Variants in IL1RAPL2 observed in about 807,000 individuals in gnomAD.
The protein encoded by IL1RAPL2 is X-linked interleukin-1 receptor accessory protein-like 2.
IL1RAPL2 carries 3 observed loss-of-function variants against 44.1 expected under a neutral mutation model. That is an observed-to-expected ratio of 0.07 (90% CI 0.03 to 0.18). The LOEUF is 0.18. Among genes scored for constraint, IL1RAPL2 ranks in the 10% least tolerant of loss-of-function variants. The probability of loss-of-function intolerance (pLI) is 1.00; values close to 1 mark genes in which losing one functional copy is unlikely to be tolerated. For missense variants in IL1RAPL2, 391 were observed against 496.4 expected (o/e 0.79, Z 2.02); for synonymous variants, 181 against 178.8 (o/e 1.01, Z -0.10).
chrX:105,347,660 C>T (rs1341038998), intron 5 of IL1RAPL2, among the ~76,000 whole-genome samples: 1 of 110,297 alleles, frequency 9.1e-6, no homozygotes, highest in African/African-American at 3.3e-5. Flanking sequence ...GTCATAGACT[C>T]ATACCTCTAG....
At chrX:104,919,384 C>T (rs937582442) in intron 2 of IL1RAPL2, among the ~76,000 whole-genome samples, 1 of 108,701 alleles carries the variant, frequency 9.2e-6, no homozygotes, top group African/African-American at 3.4e-5. Flanking sequence ...TGCGACCACA[C>T]CTGGCTAATT....
intron 6 of IL1RAPL2, among the ~76,000 whole-genome samples, chrX:105,660,612 A>C (rs1210893313): frequency 2.7e-5 from 3 of 111,593 alleles, no homozygotes; most frequent in Non-Finnish European, 5.7e-5. Context: ...TAGAAATTTA[A>C]AAAAGTTAAG....
intron 5 of IL1RAPL2, among the ~76,000 whole-genome samples, chrX:105,276,288 G>T (rs961037881): frequency 8.9e-6 from 1 of 112,480 alleles, no homozygotes; most frequent in African/African-American, 3.2e-5. Flanking sequence ...AATGCCTGTG[G>T]TCCCAGCTAC....
At chrX:105,678,808 T>G (rs1392012092) in intron 6 of IL1RAPL2, among the ~76,000 whole-genome samples, 1 of 111,543 alleles carries the variant, frequency 9.0e-6, no homozygotes, top group Non-Finnish European at 1.9e-5. Context: ...GCAACAATTC[T>G]CTTGTCTTTC....
chrX:105,765,016 G>T (rs763712302), intron 10 of IL1RAPL2, among the ~76,000 whole-genome samples: 4 of 111,400 alleles, frequency 3.6e-5, no homozygotes, highest in Admixed American at 9.5e-5. Context: ...TGTGAAGAAT[G>T]ATTCTATAAA....
At chrX:105,412,381 G>A (rs1210256640) in intron 5 of IL1RAPL2, among the ~76,000 whole-genome samples, 1 of 107,936 alleles carries the variant, frequency 9.3e-6, no homozygotes, top group Non-Finnish European at 1.9e-5. Context: ...ATGAAATCCT[G>A]TCATTTACAG....
intron 2 of IL1RAPL2, among the ~76,000 whole-genome samples, chrX:105,033,471 C>T (rs1471401545): frequency 1.8e-5 from 2 of 111,025 alleles, no homozygotes; most frequent in South Asian, 7.6e-4. Flanking sequence ...TTTATTTTTC[C>T]TTCACTTATG....
intron 2 of IL1RAPL2, among the ~76,000 whole-genome samples, chrX:105,053,440 C>T (rs187909295): frequency 9.0e-6 from 1 of 111,304 alleles, no homozygotes; most frequent in East Asian, 2.8e-4. Flanking sequence ...GTCATTAAGT[C>T]TTCAGAACAA....
At chrX:105,295,148 A>G (rs1226151044) in intron 5 of IL1RAPL2, among the ~76,000 whole-genome samples, 3 of 111,517 alleles carry the variant, frequency 2.7e-5, no homozygotes, top group African/African-American at 9.8e-5. Context: ...AAGCTAAGTT[A>G]TGAAGGACCT....
At position 105,162,980 on chromosome X, in the gene IL1RAPL2, A is replaced by G. The variant is rs1488369201; in HGVS notation, c.83-32495A>G. Among the ~76,000 whole-genome samples the G allele has an allele frequency of 2.7e-5, 3 of 111,559 alleles. No homozygotes were observed. The East Asian group carries it at 8.4e-4, about 31-fold the overall frequency. ...AAAATATGAATTTTGGAGAGACGCA[A>G]ACATTCAAACCATAGCAGAGGGACA... On this transcript the variant is annotated intron_variant, in intron 2 of 10. Transcript: ENST00000372582.
At chrX:104,609,866 C>T (rs1929110804) in intron 1 of IL1RAPL2, among the ~76,000 whole-genome samples, 1 of 111,804 alleles carries the variant, frequency 8.9e-6, no homozygotes, top group African/African-American at 3.3e-5. Context: ...TCATCAAACT[C>T]ATTCTCCGTC....
Position 104,566,661 on chromosome X carries a change from C to A in IL1RAPL2, c.-410C>A, listed in dbSNP as rs1053535621. ...CAAAAGGAAGAGTCTGGGAGGCAGG[C>A]GACTTAGGAGAGTCTAGTCACTGAG... On this transcript the variant is annotated 5_prime_UTR_variant, in exon 1 of 11. Coordinates refer to ENST00000372582, the MANE Select transcript of IL1RAPL2 (RefSeq NM_017416.2). 8.9e-6 allele frequency: 1 copy of A among 112,981 alleles called. No homozygotes were observed. The highest frequency in any genetic ancestry group is 1.9e-5 in the Non-Finnish European group (1 of 53,412). 9.3% of individuals were successfully genotyped at this position (112,981 alleles called of 1,213,427 possible).
intron 2 of IL1RAPL2, among the ~76,000 whole-genome samples, chrX:105,042,405 C>A (rs1283598084): frequency 2.7e-5 from 3 of 109,605 alleles, no homozygotes; most frequent in East Asian, 2.9e-4. Flanking sequence ...ACCCCATCAA[C>A]AAGTGGGCGA....
At chrX:105,050,555 G>A (rs1376314670) in intron 2 of IL1RAPL2, among the ~76,000 whole-genome samples, 1 of 111,653 alleles carries the variant, frequency 9.0e-6, no homozygotes, top group African/African-American at 3.3e-5. Flanking sequence ...TGGAACTCTT[G>A]TTTACTGGAC....
In IL1RAPL2 at chrX:104,603,109, G is replaced by T. The variant is rs149621223; in HGVS notation, c.-20+36058G>T. Among the ~76,000 whole-genome samples, 387 of 111,416 alleles carry T rather than the reference G, an allele frequency of 3.5e-3. 3 individuals carry two copies. Among genetic ancestry groups the T allele is most frequent in the Admixed American group, 0.023 (239 of 10,487 alleles). ...CTGACATCTGGCAGGTGACCCTCTG[G>T]GAGGAAGCTTCCAGAGGAAAGATCA... On this transcript the variant is annotated intron_variant, in intron 1 of 10. Coordinates refer to ENST00000372582, the MANE Select transcript of IL1RAPL2 (RefSeq NM_017416.2).
intron 2 of IL1RAPL2, among the ~76,000 whole-genome samples, chrX:104,776,363 T>A (rs1376781205): frequency 8.9e-6 from 1 of 111,945 alleles, no homozygotes; most frequent in Non-Finnish European, 1.9e-5. Flanking sequence ...AGGGAAAAAA[T>A]GCCTTTGGAT....
intron 2 of IL1RAPL2, among the ~76,000 whole-genome samples, chrX:105,032,416 G>A (rs1426949722): frequency 9.2e-6 from 1 of 108,861 alleles, no homozygotes; most frequent in Non-Finnish European, 1.9e-5. Flanking sequence ...CAGAGATTCT[G>A]GTATGTTGTG....
intron 2 of IL1RAPL2, among the ~76,000 whole-genome samples, chrX:104,768,884 C>A (rs1361690719): frequency 2.7e-5 from 3 of 110,976 alleles, no homozygotes; most frequent in Non-Finnish European, 5.7e-5. Flanking sequence ...CATCGATCCT[C>A]AGGGTCTAGC....
intron 2 of IL1RAPL2, among the ~76,000 whole-genome samples, chrX:104,914,363 ATGT>A (rs766977549): frequency 8.9e-6 from 1 of 111,801 alleles, no homozygotes. Context: ...TTGCATCTCA[ATGT>A]TGTTTCTAAA....
Sources: allele counts gnomAD v4.1 joint callset (sites outside exome capture counted in the v4.1 genomes callset), GRCh38; gene constraint gnomAD v4.1.1; transcripts MANE v1.5; gene names NCBI Gene and HGNC (gene_info 2026-07-23, HGNC 2026-07-21).